Variants in PIWIL4 observed in about 807,000 individuals in gnomAD.
PIWIL4 encodes piwi like RNA-mediated gene silencing 4.
Under a neutral mutation model 100.9 loss-of-function variants are expected in PIWIL4, and 50 were observed. The ratio of observed to expected loss-of-function variants is 0.50; its 90% CI spans 0.39 to 0.63. PIWIL4 has a LOEUF of 0.63. Ranked by LOEUF, PIWIL4 falls within the 20% of genes least tolerant of loss-of-function variation. The probability of loss-of-function intolerance (pLI) is 0.00; values close to 1 mark genes in which losing one functional copy is unlikely to be tolerated. For missense variants in PIWIL4, 887 were observed against 1,043.3 expected, an observed-to-expected ratio of 0.85 and a Z score of 2.06; for synonymous variants, 342 against 367.5, an observed-to-expected ratio of 0.93 and a Z score of 0.79.
intron 8 of PIWIL4, among the ~76,000 whole-genome samples, chr11:94,589,482 A>G (rs1449279749): frequency 2.6e-5 from 4 of 152,170 alleles, no homozygotes; most frequent in Non-Finnish European, 5.9e-5. Flanking sequence ...TCGCAACGCT[A>G]ATACATTTCC....
Position 94,583,499 on chromosome 11 carries a change from A to C in PIWIL4, c.565A>C (p.Ile189Leu). Residue 189 changes from isoleucine to leucine, a missense_variant, in exon 5 of 20, where the codon ATC (isoleucine) becomes CTC (leucine). Ile to Leu is a conservative substitution (Grantham distance 5, BLOSUM62 2). Transcript: ENST00000299001. ...TQRGETIKMT[I>L]TLKRELPSSS... ...AAGAGGTGAGACTATAAAGATGACTATCACCCTGAAGAGGGAGCTGCCATC... is the reference window on the plus strand; with the variant it reads ...AAGAGGTGAGACTATAAAGATGACTCTCACCCTGAAGAGGGAGCTGCCATC... 6.2e-7 allele frequency: 1 copy of C among 1,613,850 alleles called. No homozygotes were observed.
rs1463246785 is a variant in PIWIL4, at chr11:94,601,825, A to G, written c.1411A>G (p.Lys471Glu). The change falls in exon 12 of 20, where the codon AAG becomes GAG. Residue 471 changes from lysine to glutamate, a missense_variant. By Grantham distance (56) the Lys-to-Glu change is moderately conservative (BLOSUM62 1). Around this residue, in one of 2 missense-constraint regions of PIWIL4, gnomAD observed 741 missense variants for 930.0 expected, o/e 0.80. Coordinates refer to ENST00000299001, the MANE Select transcript of PIWIL4 (RefSeq NM_152431.3). ...ACCTGTGTCTGCTGCTGACTGGTCC[A>G]AGGATATTCGAACTTGCAAGATTTT... Reference protein sequence around the residue: ...CQPVSAADWSKDIRTCKILNA... With the variant: ...CQPVSAADWSEDIRTCKILNA... 6.2e-7 allele frequency: 1 copy of G among 1,614,094 alleles called. No individual in the cohort carries two copies. Among genetic ancestry groups the G allele is most frequent in the Admixed American group, 1.7e-5 (1 of 60,020 alleles).
intron 15 of PIWIL4, among the ~76,000 whole-genome samples, chr11:94,615,081 G>A (rs1470418257): frequency 6.6e-6 from 1 of 152,102 alleles, no homozygotes; most frequent in African/African-American, 2.4e-5. Flanking sequence ...CATAGGCAAG[G>A]TATCCTAAGA....
chr11:94,617,778 T>C, intron 16 of PIWIL4, 176 bp from the exon 17 acceptor site: 1 of 584,254 alleles, frequency 1.7e-6, no homozygotes, highest in Non-Finnish European at 3.0e-6. Flanking sequence ...GACAGAGGAA[T>C]GCTCCCTAAA....
chr11:94,606,893 A>C (rs1014988967), intron 13 of PIWIL4, among the ~76,000 whole-genome samples: 5 of 151,096 alleles, frequency 3.3e-5, no homozygotes, highest in Non-Finnish European at 7.4e-5. Context: ...ACTCATATCC[A>C]TACTCTCAAC....
At chr11:94,615,068 C>T (rs754752901) in intron 15 of PIWIL4, among the ~76,000 whole-genome samples, 13 of 152,272 alleles carry the variant, frequency 8.5e-5, no homozygotes, top group Non-Finnish European at 1.5e-4. Flanking sequence ...AGTTGAGGTG[C>T]TCCATAGGCA....
chr11:94,580,631 CGAATAA>C (rs1948298626), intron 4 of PIWIL4, among the ~76,000 whole-genome samples: 1 of 142,280 alleles, frequency 7.0e-6, no homozygotes, highest in Non-Finnish European at 1.6e-5. Context: ...ATTTCAATTT[CGAATAA>C]AAGTTCTTTA....
intron 8 of PIWIL4, 60 bp from the exon 9 acceptor site, chr11:94,593,458 G>A: frequency 3.9e-6 from 6 of 1,542,018 alleles, no homozygotes; most frequent in Non-Finnish European, 5.3e-6. Context: ...TGAATGTAAG[G>A]ATGCTCACCT....
chr11:94,620,145 GT>G lies in PIWIL4; in HGVS notation c.2442+2del. On this transcript the variant is annotated splice_donor_variant, in intron 19 of 19. Transcript: ENST00000299001. LOFTEE classifies it high-confidence loss of function. ...GTGCCACCTGTACTACAACTGGCCG[GT>G]GAGTGAAAGCTGTTTACTTAATGTA... 1 of 1,582,172 alleles carries G rather than the reference GT, an allele frequency of 6.3e-7. No homozygotes were observed. The highest frequency in any genetic ancestry group is 8.6e-7 in the Non-Finnish European group (1 of 1,164,872).
Position 94,583,558 on chromosome 11 carries a change from C to G in PIWIL4, c.624C>G (p.Ile208Met), listed in dbSNP as rs906820659. 1.9e-6 allele frequency: 3 copies of G among 1,613,912 alleles called. No individual in the cohort carries two copies. Among genetic ancestry groups the G allele is most frequent in the Non-Finnish European group, 2.5e-6 (3 of 1,179,880 alleles). Residue 208 changes from isoleucine to methionine, a missense_variant, in exon 5 of 20, where the codon ATC becomes ATG. By Grantham distance (10) the Ile-to-Met change is conservative. This residue lies in a region of PIWIL4 where 741 missense variants were observed against 930.0 expected (regional missense o/e 0.80). Transcript: ENST00000299001. ...SSPVCIQVFNIIFRKILKKLS... is the reference protein window; with the variant it reads ...SSPVCIQVFNMIFRKILKKLS... ...CCGTGTGCATCCAGGTCTTCAATATCATCTTCAGAAAGTAAGGCACTGGAA... is the reference window on the plus strand; with the variant it reads ...CCGTGTGCATCCAGGTCTTCAATATGATCTTCAGAAAGTAAGGCACTGGAA...
intron 8 of PIWIL4, among the ~76,000 whole-genome samples, chr11:94,592,751 C>T (rs1427949798): frequency 6.6e-6 from 1 of 152,094 alleles, no homozygotes; most frequent in African/African-American, 2.4e-5. Flanking sequence ...TAACCTTTGT[C>T]ATTAGAGGGT....
At chr11:94,574,556 C>G (rs542937978) in intron 2 of PIWIL4, among the ~76,000 whole-genome samples, 2 of 152,124 alleles carry the variant, frequency 1.3e-5, no homozygotes, top group African/African-American at 4.8e-5. Context: ...GGCTGGAGTG[C>G]GGGCGTGACC....
intron 18 of PIWIL4, 30 bp from the exon 19 acceptor site, chr11:94,619,967 T>C: frequency 6.2e-7 from 1 of 1,614,158 alleles, no homozygotes; most frequent in Non-Finnish European, 8.5e-7. Flanking sequence ...TTTGCCTTCT[T>C]TCCTACATTC....
intron 6 of PIWIL4, among the ~76,000 whole-genome samples, chr11:94,586,052 G>C (rs1264502413): frequency 6.6e-6 from 1 of 152,120 alleles, no homozygotes; most frequent in Admixed American, 6.5e-5. Context: ...TATAGACAGA[G>C]AGGCAACTGG....
Position 94,604,075 on chromosome 11 carries a change from T to C in PIWIL4, c.1638+19T>C, listed in dbSNP as rs1439769230. The C allele has an allele frequency of 2.7e-6, 4 of 1,501,392 alleles. No individual in the cohort carries two copies. Among genetic ancestry groups the C allele is most frequent in the Admixed American group, 3.5e-5 (2 of 56,920 alleles). The allele number at this position is 1,501,392 out of a possible 1,614,324, so 93.0% of individuals were successfully genotyped here. A position where few individuals can be genotyped will look rare whatever the true frequency, so the allele number is the denominator to read the frequency against. On this transcript the variant is annotated intron_variant, in intron 13 of 19. Coordinates refer to ENST00000299001, the MANE Select transcript of PIWIL4 (RefSeq NM_152431.3). ...TCAGCTGGTAAGTACAGGATACTTT[T>C]TGAACTCCTTTAATCTATAATTTTA... is the stretch of plus-strand genomic sequence containing the variant.
Position 94,593,564 on chromosome 11 carries a change from G to T in PIWIL4, c.1073G>T (p.Ser358Ile), listed in dbSNP as rs1347494557. The change falls in exon 9 of 20, where the codon AGT (serine) becomes ATT (isoleucine). Residue 358 changes from serine to isoleucine, a missense_variant. Around this residue, in one of 2 missense-constraint regions of PIWIL4, gnomAD observed 741 missense variants for 930.0 expected, o/e 0.80. Coordinates refer to ENST00000299001, the MANE Select transcript of PIWIL4 (RefSeq NM_152431.3). ...VSDLNQPMLV[S>I]LLKKKRNDNS... ...GACCTGAATCAGCCCATGCTTGTTA[G>T]TCTGTTAAAGAAGAAGAGAAATGAC... 6.2e-7 allele frequency: 1 copy of T among 1,613,882 alleles called. No individual in the cohort carries two copies. Among genetic ancestry groups the T allele is most frequent in the Non-Finnish European group, 8.5e-7 (1 of 1,179,850 alleles).
At chr11:94,582,564 C>G (rs1254425121) in intron 4 of PIWIL4, among the ~76,000 whole-genome samples, 2 of 152,154 alleles carry the variant, frequency 1.3e-5, no homozygotes, top group Admixed American at 1.3e-4. Flanking sequence ...TTGCTTATCC[C>G]TTTGAAAAAT....
chr11:94,600,348 A>G (rs1948617546), intron 11 of PIWIL4, among the ~76,000 whole-genome samples: 1 of 152,190 alleles, frequency 6.6e-6, no homozygotes, highest in Non-Finnish European at 1.5e-5. Flanking sequence ...AAAGGGACAG[A>G]GTACAAAATA....
chr11:94,587,750 G>A (rs1565274241), intron 7 of PIWIL4, among the ~76,000 whole-genome samples: 1 of 152,182 alleles, frequency 6.6e-6, no homozygotes, highest in Non-Finnish European at 1.5e-5. Flanking sequence ...AGGACAGAAG[G>A]TTAGTTCCAT....
Sources: gnomAD v4.1 joint callset for allele counts (sites outside exome capture counted in the v4.1 genomes callset) on GRCh38, gnomAD v4.1.1 for gene constraint, gnomAD v4.1.1 regional missense constraint, MANE v1.5 for transcripts, NCBI Gene and HGNC (gene_info 2026-07-23, HGNC 2026-07-21) for gene names.